The following DLG2 variants were observed in gnomAD, a reference collection of about 807,000 sequenced individuals.
DLG2 encodes disks large homolog 2.
Under a neutral mutation model 132.5 loss-of-function variants are expected in DLG2, and 45 were observed. The ratio of observed to expected loss-of-function variants is 0.34; its 90% CI spans 0.27 to 0.44. The LOEUF (loss-of-function observed/expected upper bound fraction) is 0.44, where lower values mean the gene tolerates loss of function less well. Ranked by LOEUF, DLG2 falls within the 20% of genes least tolerant of loss-of-function variation. DLG2 has a pLI of 1.00. For synonymous variants in DLG2, 424 were observed against 419.6 expected (o/e 1.01, Z -0.13); for missense variants, 1,045 against 1,196.9 (o/e 0.87, Z 1.87).
intron 16 of DLG2, among the ~76,000 whole-genome samples, chr11:83,850,273 C>A (rs2059500648): frequency 6.6e-6 from 1 of 152,026 alleles, no homozygotes; most frequent in African/African-American, 2.4e-5. Flanking sequence ...CCTGCCTCAG[C>A]CTCCCAAGTA....
At chr11:84,019,192 T>C (rs1435508901) in intron 11 of DLG2, among the ~76,000 whole-genome samples, 1 of 152,110 alleles carries the variant, frequency 6.6e-6, no homozygotes, top group African/African-American at 2.4e-5. Flanking sequence ...GCATACACAA[T>C]ATGCCGTTCA....
At chr11:84,276,640 C>T (rs1391638922) in intron 7 of DLG2, among the ~76,000 whole-genome samples, 1 of 152,122 alleles carries the variant, frequency 6.6e-6, no homozygotes, top group Non-Finnish European at 1.5e-5. Context: ...TAATTGCTAC[C>T]ATTTTTTTTC....
At chr11:85,104,384 TGAA>T (rs2071349854) in intron 6 of DLG2, among the ~76,000 whole-genome samples, 1 of 151,732 alleles carries the variant, frequency 6.6e-6, no homozygotes, top group Non-Finnish European at 1.5e-5. Flanking sequence ...AGCAAAATAA[TGAA>T]GAAATAATGG....
intron 21 of DLG2, among the ~76,000 whole-genome samples, chr11:83,527,975 G>A (rs1006049950): frequency 6.6e-6 from 1 of 152,110 alleles, no homozygotes; most frequent in Admixed American, 6.5e-5. Context: ...GACAATAAAA[G>A]AAATTAAGGG....
chr11:84,166,693 A>G (rs893054338), intron 8 of DLG2: 6 of 289,150 alleles, frequency 2.1e-5, no homozygotes, highest in Non-Finnish European at 3.5e-5. Context: ...GTGATGAAAC[A>G]CTGAGAGGTA....
chr11:84,637,430 TA>T (rs2099642673), intron 6 of DLG2, among the ~76,000 whole-genome samples: 2 of 152,170 alleles, frequency 1.3e-5, no homozygotes, highest in East Asian at 3.8e-4. Context: ...TGACTTTGAC[TA>T]AGATGAATTT....
chr11:83,981,002 C>T (rs987118596), intron 11 of DLG2, among the ~76,000 whole-genome samples: 5 of 152,124 alleles, frequency 3.3e-5, no homozygotes, highest in Admixed American at 2.0e-4. Flanking sequence ...CAAGTATAGT[C>T]CTGCTCATTG....
At chr11:83,722,418 C>T (rs11233732) in intron 18 of DLG2, among the ~76,000 whole-genome samples, 1 of 152,220 alleles carries the variant, frequency 6.6e-6, no homozygotes, top group East Asian at 1.9e-4. Flanking sequence ...CTCATAAAGC[C>T]TGTAGAGGAG....
intron 6 of DLG2, among the ~76,000 whole-genome samples, chr11:84,842,155 A>G (rs2080780255): frequency 6.6e-6 from 1 of 152,026 alleles, no homozygotes; most frequent in African/African-American, 2.4e-5. Context: ...TGAGATCAAG[A>G]GGGACTATAG....
intron 11 of DLG2, among the ~76,000 whole-genome samples, chr11:84,043,656 A>G (rs1400778628): frequency 6.6e-6 from 1 of 151,736 alleles, no homozygotes; most frequent in Non-Finnish European, 1.5e-5. Context: ...GAAGCTCTAT[A>G]GCTCCTGTTT....
At chr11:84,925,927 G>A (rs185134098) in intron 6 of DLG2, among the ~76,000 whole-genome samples, 20 of 152,216 alleles carry the variant, frequency 1.3e-4, no homozygotes, top group Admixed American at 5.9e-4. Flanking sequence ...TGGAATACAG[G>A]AGCCTGAAGC....
chr11:84,996,134 TATAA>T (rs2057628448), intron 6 of DLG2, among the ~76,000 whole-genome samples: 1 of 152,092 alleles, frequency 6.6e-6, no homozygotes, highest in African/African-American at 2.4e-5. Context: ...GACAACATAA[TATAA>T]ATAACTTAAT....
intron 3 of DLG2, among the ~76,000 whole-genome samples, chr11:85,535,927 T>C (rs1389744591): frequency 6.6e-6 from 1 of 150,722 alleles, no homozygotes; most frequent in South Asian, 2.1e-4. Flanking sequence ...ATAAAATGTT[T>C]AAAATAGTCC....
chr11:84,659,154 G>T (rs1348066142), intron 6 of DLG2, among the ~76,000 whole-genome samples: 2 of 152,098 alleles, frequency 1.3e-5, no homozygotes, highest in African/African-American at 4.8e-5. Context: ...GTCACTCACA[G>T]ACAAATTTAA....
chr11:84,206,270 GT>G (rs2096664142), intron 8 of DLG2, among the ~76,000 whole-genome samples: 1 of 152,062 alleles, frequency 6.6e-6, no homozygotes, highest in South Asian at 2.1e-4. Context: ...ACTCCACAAA[GT>G]AATTCCATGT....
chr11:85,178,585 C>T (rs920431507), intron 4 of DLG2, among the ~76,000 whole-genome samples: 3 of 151,494 alleles, frequency 2.0e-5, no homozygotes, highest in African/African-American at 7.3e-5. Flanking sequence ...AAACAGAATG[C>T]TCAGAGATAG....
chr11:84,678,921 TAAAC>T (rs1057263197), intron 6 of DLG2, among the ~76,000 whole-genome samples: 16 of 152,020 alleles, frequency 1.1e-4, no homozygotes, highest in African/African-American at 3.9e-4. Flanking sequence ...TTTGGAGTGT[TAAAC>T]AAGATAATGT....
intron 6 of DLG2, among the ~76,000 whole-genome samples, chr11:84,711,379 A>ATC (rs1565737091): frequency 1.6e-5 from 1 of 63,022 alleles, no homozygotes; most frequent in Non-Finnish European, 2.5e-5. Context: ...AGAGAGAGAG[A>ATC]GATCGATCGA....
intron 8 of DLG2, among the ~76,000 whole-genome samples, chr11:84,197,249 A>C (rs887417367): frequency 6.6e-6 from 1 of 152,080 alleles, no homozygotes; most frequent in African/African-American, 2.4e-5. Context: ...TAATATATTC[A>C]TTTCCTTTGA....
Sources: gnomAD v4.1 joint callset for allele counts (sites outside exome capture counted in the v4.1 genomes callset) on GRCh38, gnomAD v4.1.1 for gene constraint, MANE v1.5 for transcripts, NCBI Gene and HGNC (gene_info 2026-07-23, HGNC 2026-07-21) for gene names.